Variants in EFNA5 observed in about 807,000 individuals in gnomAD.
EFNA5 encodes ephrin A5.
A neutral mutation model predicts 22.9 loss-of-function variants in EFNA5; 5 were observed. The ratio of observed to expected loss-of-function variants is 0.22; its 90% confidence interval spans 0.11 to 0.46. The LOEUF (loss-of-function observed/expected upper bound fraction) is 0.46. EFNA5 is among the 20% of genes least tolerant of loss of function. EFNA5 has a pLI of 0.99. For missense variants in EFNA5, 237 were observed against 293.3 expected, an observed-to-expected ratio of 0.81 and a Z score of 1.40; for synonymous variants, 113 against 112.2, an observed-to-expected ratio of 1.01 and a Z score of -0.04.
At chr5:107,545,230 G>A (rs751071209) in intron 1 of EFNA5, among the ~76,000 whole-genome samples, 1 of 152,260 alleles carries the variant, frequency 6.6e-6, no homozygotes, top group Non-Finnish European at 1.5e-5. Flanking sequence ...GAAGGCCTTA[G>A]TGTTGGTTCA....
Position 107,380,497 on chromosome 5 carries a change from C to T in EFNA5, c.*758G>A, listed in dbSNP as rs1432804008. On this transcript the variant is annotated 3_prime_UTR_variant, in exon 5 of 5. Coordinates refer to ENST00000333274, the MANE Select transcript of EFNA5 (RefSeq NM_001962.3). ...ACCAAAAAAATTAGAGGCACTCACA[C>T]ATACACACCCCCAGCAAACCTGTAG... The T allele has an allele frequency of 5.2e-6, 1 of 192,734 alleles. No individual in the cohort carries two copies. The highest frequency in any genetic ancestry group is 1.0e-5 in the Non-Finnish European group (1 of 98,476). 11.9% of individuals were successfully genotyped at this position (192,734 alleles called of 1,614,324 possible). A position where few individuals can be genotyped will look rare whatever the true frequency, so the allele number is the denominator to read the frequency against.
intron 1 of EFNA5, among the ~76,000 whole-genome samples, chr5:107,461,439 C>T (rs1357473346): frequency 2.6e-5 from 4 of 151,852 alleles, no homozygotes; most frequent in Non-Finnish European, 4.4e-5. Flanking sequence ...GGAATCCAGC[C>T]GATATACCCC....
chr5:107,413,924 C>T (rs1232266718), intron 2 of EFNA5, among the ~76,000 whole-genome samples: 1 of 152,092 alleles, frequency 6.6e-6, no homozygotes, highest in Admixed American at 6.6e-5. Context: ...ACCAGAGCTC[C>T]CTGGATTATA....
At chr5:107,449,801 C>T (rs1260463757) in intron 1 of EFNA5, among the ~76,000 whole-genome samples, 2 of 152,208 alleles carry the variant, frequency 1.3e-5, no homozygotes, top group Non-Finnish European at 2.9e-5. Context: ...ATCTGCATTA[C>T]TGTCTCTGGA....
At chr5:107,412,839 T>C (rs1355129335) in intron 2 of EFNA5, among the ~76,000 whole-genome samples, 2 of 152,212 alleles carry the variant, frequency 1.3e-5, no homozygotes, top group South Asian at 2.1e-4. Flanking sequence ...TATTTGATTC[T>C]GCAAAGATGG....
chr5:107,640,980 A>ATAGG (rs1750491256), intron 1 of EFNA5, among the ~76,000 whole-genome samples: 1 of 107,306 alleles, frequency 9.3e-6, no homozygotes. Context: ...AGGCAGGTAG[A>ATAGG]TAGATAGATA....
At chr5:107,573,507 G>A (rs1748859828) in intron 1 of EFNA5, among the ~76,000 whole-genome samples, 1 of 151,792 alleles carries the variant, frequency 6.6e-6, no homozygotes, top group South Asian at 2.1e-4. Flanking sequence ...GCAGAAGACT[G>A]TCCAGGTAAA....
intron 1 of EFNA5, among the ~76,000 whole-genome samples, chr5:107,485,637 TTCTG>T (rs1184646966): frequency 2.0e-5 from 3 of 152,358 alleles, no homozygotes; most frequent in African/African-American, 7.2e-5. Flanking sequence ...TACTCACTTA[TTCTG>T]TCTTTATGCT....
At chr5:107,543,409 C>T (rs1252596647) in intron 1 of EFNA5, among the ~76,000 whole-genome samples, 1 of 152,162 alleles carries the variant, frequency 6.6e-6, no homozygotes, top group Admixed American at 6.5e-5. Context: ...CTATTTTACC[C>T]CTACTTCTTT....
intron 1 of EFNA5, among the ~76,000 whole-genome samples, chr5:107,584,951 C>T (rs565040243): frequency 6.6e-6 from 1 of 152,260 alleles, no homozygotes; most frequent in South Asian, 2.1e-4. Context: ...AGCAAGTCTT[C>T]TTCTGGTTAT....
At chr5:107,551,137 C>G (rs181275777) in intron 1 of EFNA5, among the ~76,000 whole-genome samples, 19 of 152,282 alleles carry the variant, frequency 1.2e-4, no homozygotes, top group African/African-American at 4.6e-4. Flanking sequence ...GCCTTAGTAC[C>G]ATCATCATCT....
chr5:107,425,439 T>C (rs1054065682), intron 2 of EFNA5, among the ~76,000 whole-genome samples: 11 of 152,184 alleles, frequency 7.2e-5, no homozygotes, highest in Admixed American at 1.3e-4. Flanking sequence ...AGACAACTAA[T>C]GAGTTGCTGT....
chr5:107,567,740 A>G (rs1748692141), intron 1 of EFNA5, among the ~76,000 whole-genome samples: 1 of 152,228 alleles, frequency 6.6e-6, no homozygotes, highest in Non-Finnish European at 1.5e-5. Flanking sequence ...GCAGATAGGG[A>G]AAACCTAGGT....
intron 1 of EFNA5, among the ~76,000 whole-genome samples, chr5:107,490,158 G>C (rs1346665282): frequency 6.6e-6 from 1 of 152,128 alleles, no homozygotes; most frequent in African/African-American, 2.4e-5. Context: ...TAATAAACCC[G>C]CTTTGTATAA....
At chr5:107,667,144 G>T (rs1326305117) in intron 1 of EFNA5, among the ~76,000 whole-genome samples, 2 of 151,820 alleles carry the variant, frequency 1.3e-5, no homozygotes, top group Admixed American at 6.6e-5. Context: ...TTCAAATTTT[G>T]GAAATATAGA....
At chr5:107,617,486 C>A (rs978956609) in intron 1 of EFNA5, among the ~76,000 whole-genome samples, 1 of 152,092 alleles carries the variant, frequency 6.6e-6, no homozygotes, top group African/African-American at 2.4e-5. Context: ...GAGTCACCAC[C>A]AGCACCACCA....
intron 2 of EFNA5, among the ~76,000 whole-genome samples, chr5:107,410,458 C>T (rs1748338369): frequency 6.6e-6 from 1 of 152,004 alleles, no homozygotes; most frequent in South Asian, 2.1e-4. Flanking sequence ...ATTTTTATGA[C>T]CAGGAGAACT....
At chr5:107,514,031 T>C (rs1371723665) in intron 1 of EFNA5, among the ~76,000 whole-genome samples, 13 of 152,226 alleles carry the variant, frequency 8.5e-5, no homozygotes, top group Non-Finnish European at 4.4e-5. Context: ...AAGTCTCACA[T>C]TGCTTTAACA....
intron 1 of EFNA5, among the ~76,000 whole-genome samples, chr5:107,533,256 G>C (rs184754671): frequency 2.6e-5 from 4 of 152,140 alleles, no homozygotes; most frequent in African/African-American, 9.6e-5. Flanking sequence ...GATATGAAGC[G>C]GGGGGATCTT....
Sources: gnomAD v4.1 joint callset for allele counts (sites outside exome capture counted in the v4.1 genomes callset) on GRCh38, gnomAD v4.1.1 for gene constraint, MANE v1.5 for transcripts, NCBI Gene and HGNC (gene_info 2026-07-23, HGNC 2026-07-21) for gene names.